The following RORA variants were observed in gnomAD, a reference collection of about 807,000 sequenced individuals.
The protein encoded by RORA is nuclear receptor ROR-alpha.
In RORA, 7 loss-of-function variants were observed where a neutral mutation model predicts 69.5. That is an observed-to-expected ratio of 0.10 (90% CI 0.06 to 0.19). The LOEUF (loss-of-function observed/expected upper bound fraction) is 0.19. RORA is among the 10% of genes least tolerant of loss of function. RORA has a pLI of 1.00. For synonymous variants in RORA, 261 were observed against 240.8 expected (o/e 1.08, Z -0.78); for missense variants, 457 against 663.0 (o/e 0.69, Z 3.41).
chr15:61,006,405 C>T (rs909314372), intron 1 of RORA, among the ~76,000 whole-genome samples: 3 of 152,054 alleles, frequency 2.0e-5, no homozygotes, highest in Admixed American at 6.6e-5. Context: ...TCTTCTGACT[C>T]GTTGGAACTC....
intron 2 of RORA, among the ~76,000 whole-genome samples, chr15:60,538,104 T>C (rs2066735868): frequency 6.6e-6 from 1 of 152,198 alleles, no homozygotes; most frequent in Non-Finnish European, 1.5e-5. Context: ...GGTTTTGATG[T>C]AGACATAGCC....
intron 1 of RORA, among the ~76,000 whole-genome samples, chr15:61,057,847 C>T (rs1453747774): frequency 6.6e-6 from 1 of 152,210 alleles, no homozygotes; most frequent in Non-Finnish European, 1.5e-5. Context: ...TAAAATCTCT[C>T]TCTTCATTCA....
chr15:60,816,094 C>T lies in RORA; in HGVS notation c.167-137408G>A, dbSNP rs1393060378. Among the ~76,000 whole-genome samples, 8 of 131,648 alleles carry T rather than the reference C, an allele frequency of 6.1e-5. 1 individual carries two copies. Among genetic ancestry groups the T allele is most frequent in the Non-Finnish European group, 1.3e-4 (8 of 63,242 alleles). 86.4% of individuals were successfully genotyped at this position (131,648 alleles called of 152,430 possible). ...ATAAACAGTATATGTATACTGTAAA[C>T]AGTATATGTATTTATATACTGTAAA... On this transcript the variant is annotated intron_variant, in intron 1 of 10. Transcript: ENST00000335670.
At chr15:60,557,906 T>C (rs1459515937) in intron 2 of RORA, among the ~76,000 whole-genome samples, 7 of 152,240 alleles carry the variant, frequency 4.6e-5, no homozygotes, top group African/African-American at 1.4e-4. Flanking sequence ...GAAATATTTC[T>C]AAATTATGAC....
At chr15:61,045,646 C>T (rs1303463762) in intron 1 of RORA, among the ~76,000 whole-genome samples, 1 of 152,134 alleles carries the variant, frequency 6.6e-6, no homozygotes, top group African/African-American at 2.4e-5. Flanking sequence ...GACCCTAGAA[C>T]AGGTCAGACA....
chr15:61,120,815 T>G (rs1218177308), intron 1 of RORA, among the ~76,000 whole-genome samples: 1 of 151,910 alleles, frequency 6.6e-6, no homozygotes, highest in African/African-American at 2.4e-5. Context: ...CAACTAAAAT[T>G]TATTGAGGTT....
At chr15:60,528,366 A>C (rs545656127) in intron 3 of RORA, 3 of 152,252 alleles carry the variant, frequency 2.0e-5, no homozygotes, top group Admixed American at 6.5e-5. Context: ...TGCCCAGCCT[A>C]TATGTGCTTC....
chr15:60,698,933 G>T (rs779194379), intron 1 of RORA, among the ~76,000 whole-genome samples: 2 of 151,652 alleles, frequency 1.3e-5, no homozygotes, highest in African/African-American at 4.8e-5. Context: ...TTTGTTAATC[G>T]CCTGTTCATA....
At chr15:61,209,283 A>ATT (rs531696840) in intron 1 of RORA, among the ~76,000 whole-genome samples, 3 of 146,216 alleles carry the variant, frequency 2.1e-5, no homozygotes, top group African/African-American at 7.5e-5. Context: ...AAAAAAAAAA[A>ATT]TTCACACACT....
chr15:61,099,700 T>C (rs1662849850), intron 1 of RORA, among the ~76,000 whole-genome samples: 2 of 152,258 alleles, frequency 1.3e-5, no homozygotes, highest in Non-Finnish European at 2.9e-5. Flanking sequence ...TCCAGCAAGT[T>C]GGATTCATTC....
intron 1 of RORA, among the ~76,000 whole-genome samples, chr15:60,843,120 C>G (rs192155653): frequency 2.4e-4 from 37 of 152,306 alleles, no homozygotes; most frequent in African/African-American, 8.4e-4. Flanking sequence ...TCTCCCTCCC[C>G]CTGCTGTTCT....
At chr15:60,684,596 G>C (rs571148429) in intron 1 of RORA, among the ~76,000 whole-genome samples, 1 of 152,292 alleles carries the variant, frequency 6.6e-6, no homozygotes, top group Admixed American at 6.5e-5. Flanking sequence ...CAGCCTGGGC[G>C]ACAGTGCGAG....
intron 1 of RORA, among the ~76,000 whole-genome samples, chr15:60,842,753 C>A (rs1296283152): frequency 1.3e-5 from 2 of 151,700 alleles, no homozygotes; most frequent in East Asian, 3.9e-4. Context: ...CAAACCCAAA[C>A]TGGTGCCTGG....
chr15:61,083,952 C>A (rs1595964973), intron 1 of RORA, among the ~76,000 whole-genome samples: 1 of 152,276 alleles, frequency 6.6e-6, no homozygotes, highest in Middle Eastern at 3.4e-3. Flanking sequence ...GCGCAGAAAG[C>A]TCTGTCTCCA....
chr15:61,117,684 T>C (rs2079062931), intron 1 of RORA, among the ~76,000 whole-genome samples: 1 of 152,248 alleles, frequency 6.6e-6, no homozygotes, highest in Admixed American at 6.5e-5. Flanking sequence ...TCTTTCAAAG[T>C]TATTCCCTGA....
At chr15:60,863,753 T>C (rs912200782) in intron 1 of RORA, among the ~76,000 whole-genome samples, 2 of 152,208 alleles carry the variant, frequency 1.3e-5, no homozygotes, top group African/African-American at 4.8e-5. Flanking sequence ...GTTCTTATTC[T>C]TTTCATTATC....
intron 2 of RORA, among the ~76,000 whole-genome samples, chr15:60,556,311 T>A (rs546484933): frequency 2.0e-5 from 3 of 152,312 alleles, no homozygotes; most frequent in African/African-American, 7.2e-5. Flanking sequence ...ATTCTAAATC[T>A]ACCCTCAAAA....
chr15:61,177,910 C>A (rs1258324843), intron 1 of RORA, among the ~76,000 whole-genome samples: 1 of 150,564 alleles, frequency 6.6e-6, no homozygotes, highest in Non-Finnish European at 1.5e-5. Flanking sequence ...TGCAGTGAGC[C>A]GAGATTGCAC....
In RORA at chr15:60,491,179, A is replaced by G. The variant is rs2065034616; in HGVS notation, c.*6276T>C. On this transcript the variant is annotated 3_prime_UTR_variant, in exon 11 of 11. Coordinates refer to ENST00000335670, the MANE Select transcript of RORA (RefSeq NM_134261.3). Reference sequence around the variant, plus strand: ...TTGCTCAAGAATTATCTGCATTTACATATGCAATCTGTTCAGTGATAATCA... The same window carrying G: ...TTGCTCAAGAATTATCTGCATTTACGTATGCAATCTGTTCAGTGATAATCA... The G allele has an allele frequency of 6.6e-6, 1 of 152,196 alleles. No individual in the cohort carries two copies. Among genetic ancestry groups the G allele is most frequent in the African/African-American group, 2.4e-5 (1 of 41,448 alleles). The allele number at this position is 152,196 out of a possible 1,614,324, so 9.4% of individuals were successfully genotyped here. A position where few individuals can be genotyped will look rare whatever the true frequency, so the allele number is the denominator to read the frequency against.
Sources: gnomAD v4.1 joint callset for allele counts (sites outside exome capture counted in the v4.1 genomes callset) on GRCh38, gnomAD v4.1.1 for gene constraint, MANE v1.5 for transcripts, NCBI Gene and HGNC (gene_info 2026-07-23, HGNC 2026-07-21) for gene names.